The following ZNF200 variants were observed in gnomAD, a reference collection of about 807,000 sequenced individuals.
ZNF200 encodes zinc finger protein 200.
In ZNF200, 35 loss-of-function variants were observed where a neutral mutation model predicts 33.6. The ratio of observed to expected loss-of-function variants is 1.04; its 90% CI spans 0.80 to 1.38. The LOEUF (loss-of-function observed/expected upper bound fraction) is 1.38. Among genes scored for constraint, ZNF200 ranks in the 40% most tolerant of loss-of-function variants. ZNF200 has a pLI of 0.00. For missense variants in ZNF200, 592 were observed against 470.6 expected (o/e 1.26, Z -2.39); for synonymous variants, 209 against 167.7 (o/e 1.25, Z -1.90).
chr16:3,233,038 T>G, intron 2 of ZNF200, 117 bp from the exon 3 acceptor site: 2 of 855,398 alleles, frequency 2.3e-6, no homozygotes, highest in Non-Finnish European at 3.7e-6. Flanking sequence ...TGGCCTTTTC[T>G]GCTCCTGTGA....
At chr16:3,231,941 T>C (rs1220426639) in intron 4 of ZNF200, among the ~76,000 whole-genome samples, 1 of 152,212 alleles carries the variant, frequency 6.6e-6, no homozygotes, top group African/African-American at 2.4e-5. Flanking sequence ...TGAAAAGCAT[T>C]TGGACTAGTG....
intron 4 of ZNF200, chr16:3,224,984 T>C (rs181158907): frequency 6.7e-5 from 12 of 179,090 alleles, no homozygotes; most frequent in Admixed American, 6.7e-4. Context: ...ACTCATCATC[T>C]TGAAGGAGTC....
chr16:3,230,739 C>T (rs763566320), intron 4 of ZNF200, among the ~76,000 whole-genome samples: 4 of 152,146 alleles, frequency 2.6e-5, no homozygotes, highest in Non-Finnish European at 4.4e-5. Flanking sequence ...GATGGCTCCC[C>T]AATCCCTATA....
chr16:3,233,388 A>G (rs1310670962), intron 2 of ZNF200, 118 bp downstream of exon 2: 1 of 1,373,804 alleles, frequency 7.3e-7, no homozygotes, highest in Non-Finnish European at 9.6e-7. Context: ...CAACACTAGA[A>G]TTGACTCCTT....
chr16:3,233,465 C>T, intron 2 of ZNF200, 41 bp downstream of exon 2: 1 of 1,495,450 alleles, frequency 6.7e-7, no homozygotes, highest in African/African-American at 1.4e-5. Flanking sequence ...ACTCCAGTAC[C>T]TCCTCCTCCT....
At chr16:3,233,181 CG>C (rs1661001998) in intron 2 of ZNF200, among the ~76,000 whole-genome samples, 1 of 152,146 alleles carries the variant, frequency 6.6e-6, no homozygotes, top group African/African-American at 2.4e-5. Flanking sequence ...CTTAGGGCAA[CG>C]TAAAGTGTGA....
intron 2 of ZNF200, 125 bp from the exon 3 acceptor site, chr16:3,233,046 T>C: frequency 1.3e-6 from 1 of 790,112 alleles, no homozygotes; most frequent in East Asian, 2.7e-5. Flanking sequence ...TCTGCTCCTG[T>C]GAGCCCTTAT....
At chr16:3,224,718 G>A (rs968971839) in intron 4 of ZNF200, 105 bp from the exon 5 acceptor site, 2 of 1,417,806 alleles carry the variant, frequency 1.4e-6, no homozygotes, top group South Asian at 1.4e-5. Context: ...ACGTCAATCT[G>A]GGGAGTGGCG....
Position 3,232,847 on chromosome 16 carries a change from T to C in ZNF200, c.325A>G (p.Lys109Glu). The C allele has an allele frequency of 6.2e-7, 1 of 1,613,852 alleles. No individual in the cohort carries two copies. The highest frequency in any genetic ancestry group is 1.1e-5 in the South Asian group (1 of 91,080). Reference sequence around the variant, plus strand: ...ACCAAACCCACCTCAGGGTTAGCTTTCAAATACAGAGACACTGTCTCTTGT... The same window carrying C: ...ACCAAACCCACCTCAGGGTTAGCTTCCAAATACAGAGACACTGTCTCTTGT... ...KEQETVSLYL[K>E]ANPEELVVFE... The change falls in exon 3 of 5, where the codon AAA becomes GAA. Residue 109 changes from lysine (K) to glutamate (E), a missense_variant. Lys to Glu is a moderately conservative substitution (Grantham distance 56, BLOSUM62 1). Transcript: ENST00000414144.
rs577299375 is a variant in ZNF200, at chr16:3,222,970, G to C, written c.*922C>G. The C allele has an allele frequency of 1.3e-5, 2 of 152,344 alleles. No individual in the cohort carries two copies. Among genetic ancestry groups the C allele is most frequent in the Admixed American group, 1.3e-4 (2 of 15,288 alleles). 9.4% of individuals were successfully genotyped at this position (152,344 alleles called of 1,614,324 possible). A position where few individuals can be genotyped will look rare whatever the true frequency, so the allele number is the denominator to read the frequency against. ...TAGAGGGGACCTAAGCATATGGTAA[G>C]GTTATTGATGAGACATGGATCCAAG... On this transcript the variant is annotated 3_prime_UTR_variant, in exon 5 of 5. Transcript: ENST00000414144.
At chr16:3,231,396 G>T (rs186230759) in intron 4 of ZNF200, among the ~76,000 whole-genome samples, 4 of 152,292 alleles carry the variant, frequency 2.6e-5, no homozygotes, top group Non-Finnish European at 4.4e-5. Context: ...GAGTTTGACA[G>T]TCATAATGGA....
intron 4 of ZNF200, among the ~76,000 whole-genome samples, chr16:3,228,220 T>A (rs912765517): frequency 6.6e-6 from 1 of 152,172 alleles, no homozygotes; most frequent in African/African-American, 2.4e-5. Context: ...TGAAAGCCAA[T>A]GATTTCTGTT....
chr16:3,232,724 G>A, intron 3 of ZNF200, 109 bp downstream of exon 3: 1 of 1,436,162 alleles, frequency 7.0e-7, no homozygotes, highest in South Asian at 1.3e-5. Context: ...GGAAAAAGCA[G>A]AAGAAAAACA....
chr16:3,232,644 T>G, intron 3 of ZNF200, 97 bp from the exon 4 acceptor site: 1 of 1,543,856 alleles, frequency 6.5e-7, no homozygotes, highest in Non-Finnish European at 8.7e-7. Flanking sequence ...AGGGAAGGGA[T>G]AGCAAGAGGG....
chr16:3,232,774 A>G, intron 3 of ZNF200, 59 bp downstream of exon 3: 1 of 1,559,748 alleles, frequency 6.4e-7, no homozygotes, highest in South Asian at 1.1e-5. Context: ...TTTTACACAC[A>G]GGTTGGCCAA....
intron 4 of ZNF200, 58 bp downstream of exon 4, chr16:3,232,357 GAGATGA>G: frequency 6.4e-7 from 1 of 1,569,932 alleles, no homozygotes; most frequent in Non-Finnish European, 8.7e-7. Flanking sequence ...CAAAGCTAAA[GAGATGA>G]AGGACATGCT....
At position 3,222,863 on chromosome 16, in the gene ZNF200, A is replaced by G. The variant is rs1453103009; in HGVS notation, c.*1029T>C. 1 of 152,230 alleles carries G rather than the reference A, an allele frequency of 6.6e-6. No homozygotes were observed. Among genetic ancestry groups the G allele is most frequent in the Non-Finnish European group, 1.5e-5 (1 of 68,048 alleles). 9.4% of individuals were successfully genotyped at this position (152,230 alleles called of 1,614,324 possible). A position where few individuals can be genotyped will look rare whatever the true frequency, so the allele number is the denominator to read the frequency against. On this transcript the variant is annotated 3_prime_UTR_variant, in exon 5 of 5. Coordinates refer to ENST00000414144, the MANE Select transcript of ZNF200 (RefSeq NM_198088.3). ...TCTTGAGAGGCAATGTGAGCTAACC[A>G]CTGGAGACGTAATTTCTAATCATAC...
chr16:3,232,857 A>G lies in ZNF200; in HGVS notation c.315T>C (p.Ser105=). The G allele has an allele frequency of 6.2e-7, 1 of 1,613,858 alleles. No individual in the cohort carries two copies. Among genetic ancestry groups the G allele is most frequent in the Non-Finnish European group, 8.5e-7 (1 of 1,179,842 alleles). The change falls in exon 3 of 5, where the codon TCT becomes TCC. Residue 105 remains serine, a synonymous_variant. Coordinates refer to ENST00000414144, the MANE Select transcript of ZNF200 (RefSeq NM_198088.3). ...KGVQKEQETV[S]LYLKANPEEL... ...CCTCAGGGTTAGCTTTCAAATACAG[A>G]GACACTGTCTCTTGTTCCTTTTGGA...
Position 3,223,265 on chromosome 16 carries a change from T to TTAAAAC in ZNF200, c.*626_*627insGTTTTA, listed in dbSNP as rs1958377519. The TTAAAAC allele has an allele frequency of 2.0e-5, 3 of 152,402 alleles. No individual in the cohort carries two copies. In the South Asian group the frequency reaches 6.2e-4, roughly 32 times the overall value. 9.4% of individuals were successfully genotyped at this position (152,402 alleles called of 1,614,324 possible). A position where few individuals can be genotyped will look rare whatever the true frequency, so the allele number is the denominator to read the frequency against. On this transcript the variant is annotated 3_prime_UTR_variant, in exon 5 of 5. Coordinates refer to ENST00000414144, the MANE Select transcript of ZNF200 (RefSeq NM_198088.3). ...GAAAAGGAATCTGTAAAAGTCAGTT[T>TTAAAAC]TATCACAAATTGTAAATATTATTGA...
Sources: allele counts gnomAD v4.1 joint callset (sites outside exome capture counted in the v4.1 genomes callset), GRCh38; gene constraint gnomAD v4.1.1; transcripts MANE v1.5; gene names NCBI Gene and HGNC (gene_info 2026-07-23, HGNC 2026-07-21).